Variants in CEP85 observed in about 807,000 individuals in gnomAD.
CEP85 encodes centrosomal protein of 85 kDa.
In CEP85, 58 loss-of-function variants were observed where a neutral mutation model predicts 93.7. The ratio of observed to expected loss-of-function variants is 0.62; its 90% confidence interval spans 0.50 to 0.77. The LOEUF (loss-of-function observed/expected upper bound fraction) is 0.77. Among genes scored for constraint, CEP85 ranks in the 30% least tolerant of loss-of-function variants. The pLI, the probability that CEP85 is intolerant of heterozygous loss-of-function variation, is 0.00. For missense variants in CEP85, 868 were observed against 922.0 expected, an observed-to-expected ratio of 0.94 and a Z score of 0.76; for synonymous variants, 314 against 338.6, an observed-to-expected ratio of 0.93 and a Z score of 0.80.
chr1:26,267,264 A>G (rs1376182480), intron 7 of CEP85, among the ~76,000 whole-genome samples: 2 of 152,218 alleles, frequency 1.3e-5, no homozygotes, highest in East Asian at 1.9e-4. Flanking sequence ...CAGTTTTATT[A>G]TAAGGGATAC....
At chr1:26,261,934 G>A (rs978716324) in intron 7 of CEP85, among the ~76,000 whole-genome samples, 1 of 152,160 alleles carries the variant, frequency 6.6e-6, no homozygotes, top group African/African-American at 2.4e-5. Context: ...ATATGGGGAG[G>A]CCAAGGCAGG....
intron 11 of CEP85, among the ~76,000 whole-genome samples, chr1:26,273,934 T>TAA (rs777935042): frequency 3.7e-5 from 4 of 107,860 alleles, no homozygotes; most frequent in Non-Finnish European, 4.1e-5. Context: ...ATAAATAAAA[T>TAA]ATATATATAT....
At position 26,259,717 on chromosome 1, in the gene CEP85, C is replaced by T. The variant is rs1570012445; in HGVS notation, c.1256C>T (p.Ser419Phe). 6.2e-7 allele frequency: 1 copy of T among 1,614,114 alleles called. No individual in the cohort carries two copies. The highest frequency in any genetic ancestry group is 8.5e-7 in the Non-Finnish European group (1 of 1,179,970). Residue 419 changes from serine (S) to phenylalanine (F), a missense_variant, in exon 7 of 14, where the codon TCT becomes TTT. Transcript: ENST00000451429. Reference protein sequence around the residue: ...KIDLEKKLSASEVEVQLIRES... With the variant: ...KIDLEKKLSAFEVEVQLIRES... ...GACCTTGAAAAGAAACTCTCTGCTT[C>T]TGAAGTTGAAGTCCAGCTCATCAGA...
chr1:26,268,436 C>T, intron 7 of CEP85, 47 bp from the exon 8 acceptor site: 1 of 1,610,298 alleles, frequency 6.2e-7, no homozygotes, highest in South Asian at 1.1e-5. Context: ...CCAGCAGGGT[C>T]ATAGTGGAGT....
At chr1:26,258,601 TTCTC>T (rs912098083) in intron 6 of CEP85, among the ~76,000 whole-genome samples, 2 of 147,660 alleles carry the variant, frequency 1.4e-5, no homozygotes, top group African/African-American at 2.5e-5. Flanking sequence ...TTTAGAGCTA[TTCTC>T]TCTCTTTTTT....
intron 2 of CEP85, among the ~76,000 whole-genome samples, chr1:26,240,915 A>G (rs2124558350): frequency 6.6e-6 from 1 of 152,212 alleles, no homozygotes; most frequent in East Asian, 1.9e-4. Context: ...AAAAGGGGAA[A>G]AAAAAGAAAC....
chr1:26,261,741 A>T (rs1304538207), intron 7 of CEP85, among the ~76,000 whole-genome samples: 8 of 147,164 alleles, frequency 5.4e-5, no homozygotes, highest in South Asian at 2.1e-4. Flanking sequence ...AAAAAAAAAA[A>T]TTTTTTTTTT....
intron 12 of CEP85, among the ~76,000 whole-genome samples, chr1:26,275,939 A>C (rs990540433): frequency 2.6e-5 from 4 of 152,228 alleles, no homozygotes; most frequent in African/African-American, 9.6e-5. Context: ...TTTGTAATAA[A>C]GTCTGACTCC....
Position 26,268,530 on chromosome 1 carries a change from G to A in CEP85, c.1389G>A (p.Gln463=). 1 of 1,614,138 alleles carries A rather than the reference G, an allele frequency of 6.2e-7. No individual in the cohort carries two copies. The highest frequency in any genetic ancestry group is 8.5e-7 in the Non-Finnish European group (1 of 1,179,992). The change falls in exon 8 of 14, where the codon CAG becomes CAA. Residue 463 remains glutamine, a synonymous_variant. Transcript: ENST00000451429. ...KHINNLKKKC[Q]KESEQNREKQ... is the part of the protein sequence containing the mutation. Reference sequence around the variant, plus strand: ...TCAATAATTTGAAAAAGAAATGCCAGAAGGAATCAGAGCAGAACCGGGAGA... The same window carrying A: ...TCAATAATTTGAAAAAGAAATGCCAAAAGGAATCAGAGCAGAACCGGGAGA...
intron 3 of CEP85, among the ~76,000 whole-genome samples, chr1:26,251,091 C>T (rs149851599): frequency 0.018 from 2,682 of 150,602 alleles, 82 homozygotes; most frequent in African/African-American, 0.061. Flanking sequence ...TACAGGCACC[C>T]GCCATCATGC....
At position 26,271,027 on chromosome 1, in the gene CEP85, C is replaced by T; in HGVS notation, c.1663C>T (p.Gln555Ter). Residue 555 changes from glutamine (Q) to a stop codon, truncating the protein, a stop_gained, in exon 10 of 14, where the codon CAG (glutamine) becomes TAG (stop). Transcript: ENST00000451429. LOFTEE classifies it high-confidence loss of function. ...ACTGTCTTTCAGCCTGCAAGATAAACAGTCTGTGGAGGAGACCAGTGGAGA... is the reference window on the plus strand; with the variant it reads ...ACTGTCTTTCAGCCTGCAAGATAAATAGTCTGTGGAGGAGACCAGTGGAGA... ...SSAGHSLQDK[Q>*]SVEETSGEGP... is the part of the protein sequence containing the mutation. The T allele has an allele frequency of 6.2e-7, 1 of 1,610,882 alleles. No homozygotes were observed. The highest frequency in any genetic ancestry group is 8.5e-7 in the Non-Finnish European group (1 of 1,177,176).
In CEP85 at chr1:26,276,582, G is replaced by A; in HGVS notation, c.1950G>A (p.Gln650=). Residue 650 remains glutamine (Q), a synonymous_variant, in exon 13 of 14, where the codon CAG becomes CAA. Coordinates refer to ENST00000451429, the MANE Select transcript of CEP85 (RefSeq NM_001319944.2). The part of the protein sequence containing the change: ...QDLIEKNLTL[Q]EHLRQAQPGS... ...TGATTGAGAAGAATCTGACACTCCA[G>A]GAACACCTGCGCCAGGCCCAACCAG... 6.2e-7 allele frequency: 1 copy of A among 1,614,210 alleles called. No homozygotes were observed. Among genetic ancestry groups the A allele is most frequent in the Middle Eastern group, 1.6e-4 (1 of 6,062 alleles).
At chr1:26,245,229 A>G (rs2089491211) in intron 3 of CEP85, among the ~76,000 whole-genome samples, 1 of 146,640 alleles carries the variant, frequency 6.8e-6, no homozygotes. Flanking sequence ...AGATCTTGCT[A>G]TATAGCCCAG....
intron 13 of CEP85, 21 bp from the exon 14 acceptor site, chr1:26,277,115 A>G: frequency 2.5e-6 from 4 of 1,607,950 alleles, no homozygotes; most frequent in Non-Finnish European, 3.4e-6. Flanking sequence ...CATTCTCTTG[A>G]AATGCTCTTC....
At chr1:26,272,841 C>T (rs1220798504) in intron 11 of CEP85, among the ~76,000 whole-genome samples, 2 of 152,010 alleles carry the variant, frequency 1.3e-5, no homozygotes, top group Admixed American at 6.6e-5. Flanking sequence ...GTTGGCCAGA[C>T]TGGTCTCGAA....
At chr1:26,253,221 G>A (rs928132213) in intron 3 of CEP85, among the ~76,000 whole-genome samples, 4 of 151,994 alleles carry the variant, frequency 2.6e-5, no homozygotes, top group Non-Finnish European at 5.9e-5. Context: ...ATTTCATATC[G>A]TTTGGATATA....
chr1:26,272,517 T>G (rs2089989822), intron 11 of CEP85: 1 of 161,144 alleles, frequency 6.2e-6, no homozygotes, highest in South Asian at 1.8e-4. Flanking sequence ...CACTTTAAGA[T>G]GGTAAATGGA....
At chr1:26,260,762 A>C (rs1246100831) in intron 7 of CEP85, among the ~76,000 whole-genome samples, 1 of 151,756 alleles carries the variant, frequency 6.6e-6, no homozygotes, top group East Asian at 1.9e-4. Flanking sequence ...TCAGATTCAT[A>C]GTTCTAGGAG....
intron 1 of CEP85, among the ~76,000 whole-genome samples, chr1:26,234,968 C>G (rs778699686): frequency 2.0e-5 from 3 of 152,184 alleles, no homozygotes; most frequent in Non-Finnish European, 4.4e-5. Context: ...GTTACACAGC[C>G]TACTGTGTGT....
Sources: gnomAD v4.1 joint callset for allele counts (sites outside exome capture counted in the v4.1 genomes callset) on GRCh38, gnomAD v4.1.1 for gene constraint, MANE v1.5 for transcripts, NCBI Gene and HGNC (gene_info 2026-07-23, HGNC 2026-07-21) for gene names.